WDTC1: variants seen among roughly 807,000 people sequenced by gnomAD.
WDTC1 encodes the protein WD and tetratricopeptide repeats protein 1.
Under a neutral mutation model 76.0 loss-of-function variants are expected in WDTC1, and 12 were observed. The observed-to-expected ratio is 0.16, with a 90% CI of 0.10 to 0.26. The LOEUF is 0.26. Among genes scored for constraint, WDTC1 ranks in the 10% least tolerant of loss-of-function variants. The pLI is 1.00. For synonymous variants in WDTC1, 326 were observed against 350.8 expected (o/e 0.93, Z 0.79); for missense variants, 511 against 908.8 (o/e 0.56, Z 5.63).
chr1:27,279,828 A>G (rs1217993610), intron 3 of WDTC1, among the ~76,000 whole-genome samples: 1 of 152,206 alleles, frequency 6.6e-6, no homozygotes, highest in Non-Finnish European at 1.5e-5. Flanking sequence ...AGCCTCCCAA[A>G]GTGCTGAGAT....
intron 1 of WDTC1, among the ~76,000 whole-genome samples, chr1:27,239,409 C>T (rs941804916): frequency 6.6e-6 from 1 of 150,554 alleles, no homozygotes; most frequent in Non-Finnish European, 1.5e-5. Flanking sequence ...GTATTCCCAT[C>T]TACCCAGGAA....
chr1:27,292,617 C>CG (rs906421388), intron 7 of WDTC1, among the ~76,000 whole-genome samples: 1 of 151,818 alleles, frequency 6.6e-6, no homozygotes, highest in African/African-American at 2.4e-5. Context: ...TTTATAGGGG[C>CG]GGGGTCTTTC....
At chr1:27,297,214 G>A in intron 11 of WDTC1, 58 bp downstream of exon 11, 2 of 1,445,104 alleles carry the variant, frequency 1.4e-6, no homozygotes, top group South Asian at 1.2e-5. Flanking sequence ...ATGGACTGGA[G>A]GGAGGGACAT....
At position 27,303,960 on chromosome 1, in the gene WDTC1, A is replaced by G. The variant is rs967732263; in HGVS notation, c.1643+165A>G. On this transcript the variant is annotated intron_variant, in intron 14 of 15. Transcript: ENST00000319394. This position sits in a 1 kb window ranked among gnomAD's most constrained non-coding sequence, Gnocchi z 4.8. ...GTCAGCCTCTAAAGTTTTTTAATCT[A>G]TGAAATGACCAACCTGCCATGCCCA... 2.2e-5 allele frequency: 20 copies of G among 893,852 alleles called. No individual in the cohort carries two copies. The highest frequency in any genetic ancestry group is 2.7e-5 in the Non-Finnish European group (16 of 597,986). 55.4% of individuals were successfully genotyped at this position (893,852 alleles called of 1,614,324 possible). A position where few individuals can be genotyped will look rare whatever the true frequency, so the allele number is the denominator to read the frequency against.
intron 6 of WDTC1, among the ~76,000 whole-genome samples, chr1:27,291,894 C>A (rs2013546211): frequency 6.6e-6 from 1 of 152,046 alleles, no homozygotes. Flanking sequence ...AATTAAGGGG[C>A]AATACTGGAC....
intron 1 of WDTC1, among the ~76,000 whole-genome samples, chr1:27,253,805 G>GAC (rs1206696101): frequency 6.6e-6 from 1 of 152,150 alleles, no homozygotes; most frequent in Non-Finnish European, 1.5e-5. Context: ...TCCCCTTGAT[G>GAC]TAGTCTTTTC....
intron 1 of WDTC1, among the ~76,000 whole-genome samples, chr1:27,254,472 T>C (rs967146172): frequency 6.6e-6 from 1 of 151,990 alleles, no homozygotes; most frequent in Non-Finnish European, 1.5e-5. Context: ...GGTGATGCAC[T>C]CCTGTAATCT....
chr1:27,290,526 C>T (rs1311896557), intron 6 of WDTC1, among the ~76,000 whole-genome samples: 2 of 152,192 alleles, frequency 1.3e-5, no homozygotes, highest in Non-Finnish European at 2.9e-5. Context: ...CACATAGAGC[C>T]GCTTGATACA....
chr1:27,296,964 C>A, intron 10 of WDTC1, 84 bp from the exon 11 acceptor site: 1 of 1,192,310 alleles, frequency 8.4e-7, no homozygotes, highest in Non-Finnish European at 1.2e-6. Context: ...CATCAGACCC[C>A]GTGATGGAAG....
intron 3 of WDTC1, among the ~76,000 whole-genome samples, chr1:27,270,829 C>A (rs1448290565): frequency 6.6e-6 from 1 of 152,216 alleles, no homozygotes; most frequent in Non-Finnish European, 1.5e-5. Flanking sequence ...ATTTTGTCTT[C>A]CCACTGGCAA....
intron 4 of WDTC1, among the ~76,000 whole-genome samples, chr1:27,282,660 G>T (rs995540045): frequency 4.0e-5 from 6 of 151,822 alleles, no homozygotes; most frequent in African/African-American, 1.5e-4. Flanking sequence ...GCGCCACCAT[G>T]CCTGGCTAAT....
chr1:27,300,741 G>A (rs1359756560), intron 12 of WDTC1, among the ~76,000 whole-genome samples: 1 of 152,158 alleles, frequency 6.6e-6, no homozygotes, highest in Non-Finnish European at 1.5e-5. Context: ...CTGCTGGTCA[G>A]ACCCTGCGTC....
At chr1:27,259,481 T>G (rs1452949803) in intron 1 of WDTC1, among the ~76,000 whole-genome samples, 1 of 151,932 alleles carries the variant, frequency 6.6e-6, no homozygotes, top group East Asian at 1.9e-4. Context: ...TTTTGAGTTT[T>G]GTTATGATAA....
intron 1 of WDTC1, among the ~76,000 whole-genome samples, chr1:27,237,959 C>T (rs1052735222): frequency 6.6e-6 from 1 of 151,910 alleles, no homozygotes; most frequent in Non-Finnish European, 1.5e-5. Flanking sequence ...TGGGATATGT[C>T]CTAAAAAGTG....
At chr1:27,276,593 T>C (rs184271153) in intron 3 of WDTC1, among the ~76,000 whole-genome samples, 1 of 151,434 alleles carries the variant, frequency 6.6e-6, no homozygotes, top group African/African-American at 2.4e-5. Context: ...CTTGGGAGGC[T>C]GAGGCAGGAG....
At chr1:27,291,837 T>C (rs2013544580) in intron 6 of WDTC1, among the ~76,000 whole-genome samples, 1 of 152,170 alleles carries the variant, frequency 6.6e-6, no homozygotes, top group South Asian at 2.1e-4. Context: ...ATTCAACATC[T>C]TTGAACTTCA....
chr1:27,303,551 A>G lies in WDTC1; in HGVS notation c.1469-70A>G. Reference sequence around the variant, plus strand: ...CAGACTTTGGACTGAAAACAGAGCCATAGGTGGGGGAAAATAGGGAAGGAG... The same window carrying G: ...CAGACTTTGGACTGAAAACAGAGCCGTAGGTGGGGGAAAATAGGGAAGGAG... On this transcript the variant is annotated intron_variant, in intron 13 of 15. Coordinates refer to ENST00000319394, the MANE Select transcript of WDTC1 (RefSeq NM_001276252.2). The surrounding 1 kb of genome is among the most constrained non-coding windows in gnomAD (Gnocchi z 4.8). 1.3e-6 allele frequency: 2 copies of G among 1,511,182 alleles called. No individual in the cohort carries two copies. The highest frequency in any genetic ancestry group is 1.8e-6 in the Non-Finnish European group (2 of 1,134,732). The allele number at this position is 1,511,182 out of a possible 1,614,324, so 93.6% of individuals were successfully genotyped here. A position where few individuals can be genotyped will look rare whatever the true frequency, so the allele number is the denominator to read the frequency against.
At chr1:27,264,076 G>A (rs1266092040) in intron 3 of WDTC1, among the ~76,000 whole-genome samples, 3 of 151,710 alleles carry the variant, frequency 2.0e-5, no homozygotes, top group African/African-American at 7.3e-5. Context: ...ATCACTTGAG[G>A]TCAGGAGTTT....
intron 1 of WDTC1, among the ~76,000 whole-genome samples, chr1:27,253,137 T>C (rs574916193): frequency 1.1e-4 from 16 of 151,416 alleles, no homozygotes; most frequent in Non-Finnish European, 1.9e-4. Flanking sequence ...GCCTCCCAAG[T>C]AGCTGGGACT....
Sources: gnomAD v4.1 joint callset for allele counts (sites outside exome capture counted in the v4.1 genomes callset) on GRCh38, gnomAD v4.1.1 for gene constraint, Gnocchi (gnomAD v3.1) non-coding constraint, MANE v1.5 for transcripts, NCBI Gene and HGNC (gene_info 2026-07-23, HGNC 2026-07-21) for gene names.